Variants in RIMS2 observed in about 807,000 individuals in gnomAD.
RIMS2 encodes the protein regulating synaptic membrane exocytosis 2.
In RIMS2, 59 loss-of-function variants were observed where a neutral mutation model predicts 174.4. The ratio of observed to expected loss-of-function variants is 0.34; its 90% CI spans 0.27 to 0.42. RIMS2 has a LOEUF of 0.42. Among genes scored for constraint, RIMS2 ranks in the 10% least tolerant of loss-of-function variants. The pLI is 1.00. For synonymous variants in RIMS2, 606 were observed against 572.5 expected, an observed-to-expected ratio of 1.06 and a Z score of -0.84; for missense variants, 1,620 against 1,666.3, an observed-to-expected ratio of 0.97 and a Z score of 0.48.
chr8:104,028,190 C>G (rs574334053), intron 19 of RIMS2, among the ~76,000 whole-genome samples: 2 of 151,718 alleles, frequency 1.3e-5, no homozygotes, highest in African/African-American at 4.8e-5. Flanking sequence ...AAACTGTATG[C>G]TCTTTAAATT....
chr8:103,814,241 C>A (rs1400345824), intron 3 of RIMS2, among the ~76,000 whole-genome samples: 1 of 151,590 alleles, frequency 6.6e-6, no homozygotes, highest in African/African-American at 2.4e-5. Flanking sequence ...ACACTGTGGC[C>A]CATTGGAGGG....
chr8:103,942,703 A>G, intron 13 of RIMS2, 70 bp from the exon 16 acceptor site: 2 of 1,118,016 alleles, frequency 1.8e-6, no homozygotes, highest in Admixed American at 4.6e-5. Context: ...TACAAAAGTT[A>G]TAGGACCATT....
chr8:103,836,704 C>G (rs756435142), intron 3 of RIMS2, among the ~76,000 whole-genome samples: 32 of 152,144 alleles, frequency 2.1e-4, no homozygotes, highest in Non-Finnish European at 4.1e-4. Context: ...AAATAGGACA[C>G]ACTACCTTTT....
chr8:103,690,102 A>G (rs2096999098), intron 1 of RIMS2, among the ~76,000 whole-genome samples: 1 of 151,934 alleles, frequency 6.6e-6, no homozygotes, highest in South Asian at 2.1e-4. Context: ...TTGGGGTTAC[A>G]GGCATGCACC....
rs535508234 is a variant in RIMS2 at position 104,171,788 on chromosome 8, G to A, written c.3335-73128G>A. On this transcript the variant is annotated intron_variant, in intron 19 of 23. Coordinates refer to ENST00000504942, the Ensembl canonical transcript of RIMS2. ...TAAACTATTTCTTGAAATTGTTCTTGAATTTATTTTCTACTGGACTGTGTT... is the reference window on the plus strand; with the variant it reads ...TAAACTATTTCTTGAAATTGTTCTTAAATTTATTTTCTACTGGACTGTGTT... Among the ~76,000 whole-genome samples the A allele has an allele frequency of 2.6e-5, 4 of 152,106 alleles. No individual in the cohort carries two copies. The South Asian group carries it at 8.3e-4, about 32-fold the overall frequency.
intron 1 of RIMS2, among the ~76,000 whole-genome samples, chr8:103,552,276 A>G (rs1306538074): frequency 6.6e-6 from 1 of 152,196 alleles, no homozygotes; most frequent in Non-Finnish European, 1.5e-5. Context: ...GGAACAGAAC[A>G]GAGCCCTCAG....
At chr8:103,627,830 A>G (rs1382717933) in intron 1 of RIMS2, among the ~76,000 whole-genome samples, 2 of 152,224 alleles carry the variant, frequency 1.3e-5, no homozygotes, top group African/African-American at 2.4e-5. Context: ...TAGAAAAAAT[A>G]ATCATTTATA....
intron 2 of RIMS2, among the ~76,000 whole-genome samples, chr8:103,735,075 A>C (rs1056596938): frequency 3.3e-5 from 5 of 152,182 alleles, no homozygotes; most frequent in African/African-American, 7.2e-5. Flanking sequence ...CAGTCTTTCC[A>C]ACATTTGTTA....
chr8:103,786,814 C>G (rs888295421), intron 3 of RIMS2, among the ~76,000 whole-genome samples: 2 of 152,092 alleles, frequency 1.3e-5, no homozygotes, highest in African/African-American at 4.8e-5. Context: ...GAGTTCAATT[C>G]CTGGGTATCC....
chr8:103,710,733 C>T (rs2097293667), intron 2 of RIMS2, among the ~76,000 whole-genome samples: 1 of 151,968 alleles, frequency 6.6e-6, no homozygotes, highest in African/African-American at 2.4e-5. Context: ...TATTATTTAA[C>T]TTAAAATGTA....
At chr8:103,618,123 G>T (rs2095548628) in intron 1 of RIMS2, among the ~76,000 whole-genome samples, 1 of 152,116 alleles carries the variant, frequency 6.6e-6, no homozygotes, top group South Asian at 2.1e-4. Context: ...TAAAGAAAAT[G>T]TGGTACACAT....
intron 1 of RIMS2, among the ~76,000 whole-genome samples, chr8:103,658,266 G>A (rs2096555403): frequency 6.6e-6 from 1 of 152,198 alleles, no homozygotes; most frequent in Non-Finnish European, 1.5e-5. Context: ...GAGATAACAG[G>A]GAGATTTTTG....
At chr8:104,045,598 T>C (rs1325697866) in intron 19 of RIMS2, among the ~76,000 whole-genome samples, 1 of 151,936 alleles carries the variant, frequency 6.6e-6, no homozygotes, top group Non-Finnish European at 1.5e-5. Flanking sequence ...TTGTGTAATA[T>C]ATCAGTTTTA....
At chr8:103,502,881 A>G (rs1291555070) in intron 1 of RIMS2, among the ~76,000 whole-genome samples, 2 of 152,018 alleles carry the variant, frequency 1.3e-5, no homozygotes, top group African/African-American at 4.8e-5. Context: ...TTGTTTTAAT[A>G]TAGAAATTTA....
intron 1 of RIMS2, among the ~76,000 whole-genome samples, chr8:103,519,847 T>C (rs889363233): frequency 3.3e-5 from 5 of 151,840 alleles, no homozygotes; most frequent in Non-Finnish European, 7.4e-5. Flanking sequence ...AAAATTTTCC[T>C]CTTAGAAACC....
chr8:103,831,051 T>G (rs982749812), intron 3 of RIMS2, among the ~76,000 whole-genome samples: 1 of 152,166 alleles, frequency 6.6e-6, no homozygotes, highest in Non-Finnish European at 1.5e-5. Context: ...TCAAGTGATC[T>G]TCCTGCCTTG....
exon 8 of RIMS2, chr8:103,916,512 G>C (rs1283557021): frequency 6.2e-7 from 1 of 1,609,198 alleles, no homozygotes; most frequent in East Asian, 2.2e-5. Context: ...ACCACAAGTA[G>C]AACTTGTAGT....
intron 3 of RIMS2, among the ~76,000 whole-genome samples, chr8:103,795,331 G>A (rs776396439): frequency 5.3e-5 from 8 of 151,912 alleles, no homozygotes; most frequent in Non-Finnish European, 1.0e-4. Context: ...ACTGTCGCAA[G>A]GACAGAAAAC....
At chr8:103,695,519 T>C (rs2097090352) in intron 1 of RIMS2, among the ~76,000 whole-genome samples, 1 of 151,960 alleles carries the variant, frequency 6.6e-6, no homozygotes. Context: ...TTCCATATGA[T>C]ACTTCCAAGG....
Sources: gnomAD v4.1 joint callset for allele counts (sites outside exome capture counted in the v4.1 genomes callset) on GRCh38, gnomAD v4.1.1 for gene constraint, MANE v1.5 for transcripts, NCBI Gene and HGNC (gene_info 2026-07-23, HGNC 2026-07-21) for gene names.